Variants in TET1 observed in about 807,000 individuals in gnomAD.
TET1 encodes tet methylcytosine dioxygenase 1.
A neutral mutation model predicts 148.7 loss-of-function variants in TET1; 13 were observed. That is an observed-to-expected ratio of 0.09 (90% confidence interval 0.06 to 0.14). The LOEUF is 0.14. Ranked by LOEUF, TET1 falls within the 10% of genes least tolerant of loss-of-function variation. The pLI, the probability that TET1 is intolerant of heterozygous loss-of-function variation, is 1.00. For missense variants in TET1, 2,182 were observed against 2,553.8 expected, an observed-to-expected ratio of 0.85 and a Z score of 3.14; for synonymous variants, 907 against 937.2, an observed-to-expected ratio of 0.97 and a Z score of 0.59.
intron 6 of TET1, among the ~76,000 whole-genome samples, chr10:68,655,492 T>C (rs780902796): frequency 2.0e-5 from 3 of 152,236 alleles, no homozygotes; most frequent in Non-Finnish European, 4.4e-5. Flanking sequence ...GGAATGAATA[T>C]GTCCTCATGT....
intron 3 of TET1, among the ~76,000 whole-genome samples, chr10:68,644,266 G>C (rs2054806062): frequency 6.6e-6 from 1 of 152,092 alleles, no homozygotes; most frequent in African/African-American, 2.4e-5. Context: ...TAGTAGCACA[G>C]TCCTGGCTCA....
In TET1 at chr10:68,661,239, G is replaced by A. The variant is rs1340810298; in HGVS notation, c.4462-5806G>A. Reference sequence around the variant, plus strand: ...TTTTTTTTGTAGTTTTAGTAGAGACGGGGTTTCACCATGTTAGCCAGGATG... The same window carrying A: ...TTTTTTTTGTAGTTTTAGTAGAGACAGGGTTTCACCATGTTAGCCAGGATG... On this transcript the variant is annotated intron_variant, in intron 6 of 11. Transcript: ENST00000373644. Among the ~76,000 whole-genome samples, 169 of 131,050 alleles carry A rather than the reference G, an allele frequency of 1.3e-3. No homozygotes were observed. The Middle Eastern group carries it at 0.013, about 10-fold the overall frequency. The allele number at this position is 131,050 out of a possible 152,430, so 86.0% of individuals were successfully genotyped here. A position where few individuals can be genotyped will look rare whatever the true frequency, so the allele number is the denominator to read the frequency against.
At chr10:68,624,755 G>A (rs191969456) in intron 3 of TET1, among the ~76,000 whole-genome samples, 30 of 138,264 alleles carry the variant, frequency 2.2e-4, no homozygotes, top group Admixed American at 9.8e-4. Flanking sequence ...TTTTTGAGAC[G>A]GAGTCTTGCT....
At chr10:68,650,500 G>T (rs2133109057) in intron 4 of TET1, among the ~76,000 whole-genome samples, 1 of 152,024 alleles carries the variant, frequency 6.6e-6, no homozygotes, top group South Asian at 2.1e-4. Flanking sequence ...GCATGGTGGT[G>T]CATGCCTGTA....
rs1279716487 is a variant in TET1 at position 68,644,784 on chromosome 10, G to A, written c.2055G>A (p.Leu685=). The A allele has an allele frequency of 1.9e-6, 3 of 1,613,568 alleles. No homozygotes were observed. In the Admixed American group the frequency reaches 5.0e-5, roughly 27 times the overall value. ...SRCGHGEEQK[L]ELNPHTVENV... ...GTGGTCATGGGGAAGAACAAAAATT[G>A]GAATTGAACCCACATACTGTTGAAA... The change falls in exon 4 of 12, where the codon TTG becomes TTA. Residue 685 remains leucine (L), a synonymous_variant. Coordinates refer to ENST00000373644, the MANE Select transcript of TET1 (RefSeq NM_030625.3).
At chr10:68,677,786 A>G (rs1165049360) in intron 8 of TET1, among the ~76,000 whole-genome samples, 1 of 151,982 alleles carries the variant, frequency 6.6e-6, no homozygotes, top group Non-Finnish European at 1.5e-5. Flanking sequence ...ACGCCCAGCT[A>G]ATTTTGTATT....
intron 2 of TET1, among the ~76,000 whole-genome samples, chr10:68,581,778 G>A (rs1380786616): frequency 1.3e-5 from 2 of 151,772 alleles, no homozygotes; most frequent in East Asian, 3.9e-4. Context: ...TCAGGAGGTG[G>A]AGGCTGTAGT....
intron 8 of TET1, among the ~76,000 whole-genome samples, chr10:68,678,852 A>G (rs764259661): frequency 1.3e-5 from 2 of 152,142 alleles, no homozygotes; most frequent in Non-Finnish European, 2.9e-5. Context: ...AGGATTTTAC[A>G]ATATGAATAA....
chr10:68,692,098 G>T lies in TET1; in HGVS notation c.*284G>T. On this transcript the variant is annotated 3_prime_UTR_variant, in exon 12 of 12. Transcript: ENST00000373644. ...TAACCTTGATAGAATCACTCAGTTT[G>T]GTGCTTTAAATTAAGTCTGTTTACT... 1 of 374,432 alleles carries T rather than the reference G, an allele frequency of 2.7e-6. No homozygotes were observed. The highest frequency in any genetic ancestry group is 4.8e-6 in the Non-Finnish European group (1 of 208,700). 23.2% of individuals were successfully genotyped at this position (374,432 alleles called of 1,614,324 possible). A position where few individuals can be genotyped will look rare whatever the true frequency, so the allele number is the denominator to read the frequency against.
At chr10:68,668,556 G>A (rs928723008) in intron 7 of TET1, among the ~76,000 whole-genome samples, 1 of 152,210 alleles carries the variant, frequency 6.6e-6, no homozygotes, top group Admixed American at 6.5e-5. Context: ...ATAGTTGTAA[G>A]AGGAGATAAG....
At chr10:68,666,069 A>C (rs2055191826) in intron 6 of TET1, among the ~76,000 whole-genome samples, 1 of 151,824 alleles carries the variant, frequency 6.6e-6, no homozygotes. Context: ...TGATACATGG[A>C]GGCAGTTTTA....
At chr10:68,651,187 G>T (rs962327021) in intron 4 of TET1, among the ~76,000 whole-genome samples, 1 of 152,086 alleles carries the variant, frequency 6.6e-6, no homozygotes, top group Admixed American at 6.6e-5. Context: ...AGAATAAATT[G>T]TCTGCAATGA....
At position 68,691,462 on chromosome 10, in the gene TET1, T is replaced by C. The variant is rs2055592772; in HGVS notation, c.6059T>C (p.Ile2020Thr). 6.2e-7 allele frequency: 1 copy of C among 1,614,006 alleles called. No individual in the cohort carries two copies. The highest frequency in any genetic ancestry group is 8.5e-7 in the Non-Finnish European group (1 of 1,180,038). ...AIAPAHGSVL[I>T]ECARRELHAT... Reference sequence around the variant, plus strand: ...GCACCTGCTCACGGCTCGGTTTTGATTGAGTGTGCCCGGCGAGAGCTGCAC... The same window carrying C: ...GCACCTGCTCACGGCTCGGTTTTGACTGAGTGTGCCCGGCGAGAGCTGCAC... The change falls in exon 12 of 12, where the codon ATT (isoleucine) becomes ACT (threonine). Residue 2020 changes from isoleucine (I) to threonine (T), a missense_variant. Physicochemically the swap from Ile to Thr is moderately conservative, Grantham distance 89. Around this residue, in one of 11 missense-constraint regions of TET1, gnomAD observed 11 missense variants for 44.0 expected, o/e 0.25. Coordinates refer to ENST00000373644, the MANE Select transcript of TET1 (RefSeq NM_030625.3). This position sits in a 1 kb window ranked among gnomAD's most constrained non-coding sequence, Gnocchi z 4.4.
At chr10:68,644,443 C>T (rs1184295772) in intron 3 of TET1, among the ~76,000 whole-genome samples, 2 of 152,020 alleles carry the variant, frequency 1.3e-5, no homozygotes, top group Non-Finnish European at 2.9e-5. Context: ...TGGGCTCAAG[C>T]GATCCTCCCA....
intron 2 of TET1, among the ~76,000 whole-genome samples, chr10:68,576,787 C>A (rs1674746369): frequency 6.6e-6 from 1 of 152,170 alleles, no homozygotes; most frequent in Admixed American, 6.5e-5. Flanking sequence ...GGCTGAAGTA[C>A]AGTGGCATGA....
rs905013462 is a variant in TET1 at position 68,573,961 on chromosome 10, A to G, written c.1623A>G (p.Ser541=). ...AQLSQAGPSK[S]DRGSSQVSVT... is the part of the protein sequence containing the mutation. ...TCTCTCAGGCTGGTCCTAGCAAATC[A>G]GACAGAGGGAGCTCCCAGGTCAGTG... The change falls in exon 2 of 12, where the codon TCA becomes TCG. Residue 541 remains serine, a synonymous_variant. Transcript: ENST00000373644. 6.2e-7 allele frequency: 1 copy of G among 1,614,078 alleles called. No individual in the cohort carries two copies. Among genetic ancestry groups the G allele is most frequent in the African/African-American group, 1.3e-5 (1 of 74,930 alleles).
intron 11 of TET1, among the ~76,000 whole-genome samples, chr10:68,689,809 A>C (rs934543415): frequency 1.3e-5 from 2 of 151,984 alleles, no homozygotes; most frequent in Non-Finnish European, 2.9e-5. Context: ...TAACAGGGAG[A>C]ATGTCCTCAA....
At chr10:68,657,042 T>G (rs892239157) in intron 6 of TET1, among the ~76,000 whole-genome samples, 1 of 131,264 alleles carries the variant, frequency 7.6e-6, no homozygotes, top group Admixed American at 7.5e-5. Context: ...AAAAAAAAAA[T>G]TTCCCATTTG....
chr10:68,570,336 C>G (rs541071948), intron 1 of TET1, among the ~76,000 whole-genome samples: 2 of 151,970 alleles, frequency 1.3e-5, no homozygotes, highest in Non-Finnish European at 2.9e-5. Context: ...AACTCCTGAC[C>G]TCAGGTGATC....
Sources: allele counts gnomAD v4.1 joint callset (sites outside exome capture counted in the v4.1 genomes callset), GRCh38; gene constraint gnomAD v4.1.1; regional missense constraint gnomAD v4.1.1; non-coding constraint Gnocchi (gnomAD v3.1); transcripts MANE v1.5; gene names NCBI Gene and HGNC (gene_info 2026-07-23, HGNC 2026-07-21).